The following BMP6 variants were observed in gnomAD, a reference collection of about 807,000 sequenced individuals.
BMP6 encodes bone morphogenetic protein 6.
BMP6 carries 17 observed loss-of-function variants against 54.1 expected under a neutral mutation model. The ratio of observed to expected loss-of-function variants is 0.31; its 90% confidence interval spans 0.22 to 0.47. BMP6 has a LOEUF of 0.47. Among genes scored for constraint, BMP6 ranks in the 20% least tolerant of loss-of-function variants. The pLI, the probability that BMP6 is intolerant of heterozygous loss-of-function variation, is 1.00. For synonymous variants in BMP6, 328 were observed against 291.2 expected (o/e 1.13, Z -1.28); for missense variants, 720 against 690.4 (o/e 1.04, Z -0.48).
chr6:7,790,100 C>G (rs1223348068), intron 1 of BMP6, among the ~76,000 whole-genome samples: 1 of 152,062 alleles, frequency 6.6e-6, no homozygotes, highest in East Asian at 1.9e-4. Context: ...AGGGCTGTTC[C>G]CTCTGTCCAT....
chr6:7,816,091 A>G (rs1051132327), intron 1 of BMP6, among the ~76,000 whole-genome samples: 1 of 152,224 alleles, frequency 6.6e-6, no homozygotes, highest in Non-Finnish European at 1.5e-5. Context: ...GTAAAGGACT[A>G]AGGAAGTCCG....
At chr6:7,871,284 G>A (rs890609533) in intron 4 of BMP6, among the ~76,000 whole-genome samples, 2 of 152,212 alleles carry the variant, frequency 1.3e-5, no homozygotes, top group African/African-American at 4.8e-5. Context: ...TGTACCTGAA[G>A]GTTTCCCTGC....
chr6:7,836,210 T>TTA (rs1561787113), intron 1 of BMP6, among the ~76,000 whole-genome samples: 1 of 151,064 alleles, frequency 6.6e-6, no homozygotes, highest in Admixed American at 6.6e-5. Flanking sequence ...ATTTTTTTTT[T>TTA]AAAAAAAAAT....
At chr6:7,790,179 C>T (rs970620743) in intron 1 of BMP6, among the ~76,000 whole-genome samples, 1 of 152,132 alleles carries the variant, frequency 6.6e-6, no homozygotes, top group African/African-American at 2.4e-5. Flanking sequence ...TTGCTACAGT[C>T]AGCTTTCTGA....
intron 4 of BMP6, among the ~76,000 whole-genome samples, chr6:7,875,388 T>C (rs1029724147): frequency 2.6e-5 from 4 of 152,168 alleles, no homozygotes; most frequent in Non-Finnish European, 5.9e-5. Context: ...AAATAATGTC[T>C]TAACAGTTGC....
chr6:7,857,199 T>C (rs1759255240), intron 2 of BMP6, among the ~76,000 whole-genome samples: 1 of 152,238 alleles, frequency 6.6e-6, no homozygotes, highest in Admixed American at 6.5e-5. Flanking sequence ...CTAGTCTTTA[T>C]GAGTGGCTTT....
intron 1 of BMP6, among the ~76,000 whole-genome samples, chr6:7,800,057 G>A (rs1043313559): frequency 2.7e-5 from 4 of 150,482 alleles, no homozygotes; most frequent in African/African-American, 7.4e-5. Flanking sequence ...AAAGAGATGA[G>A]TGTTATTACG....
intron 1 of BMP6, among the ~76,000 whole-genome samples, chr6:7,828,744 G>T (rs1758741784): frequency 6.6e-6 from 1 of 152,252 alleles, no homozygotes; most frequent in Non-Finnish European, 1.5e-5. Context: ...TTGGAGGGGA[G>T]TTTAGCCCTC....
At chr6:7,833,978 C>T (rs1210881350) in intron 1 of BMP6, among the ~76,000 whole-genome samples, 1 of 152,144 alleles carries the variant, frequency 6.6e-6, no homozygotes, top group Non-Finnish European at 1.5e-5. Context: ...GCTTTCAGGA[C>T]TCCCCTGTGG....
intron 1 of BMP6, among the ~76,000 whole-genome samples, chr6:7,800,906 G>C (rs1036286234): frequency 5.2e-5 from 7 of 133,432 alleles, no homozygotes; most frequent in African/African-American, 1.3e-4. Context: ...AAAATAAAGC[G>C]GGGGGAGGGG....
chr6:7,860,625 T>C (rs560931296), intron 2 of BMP6, among the ~76,000 whole-genome samples: 6 of 152,206 alleles, frequency 3.9e-5, no homozygotes, highest in Non-Finnish European at 1.5e-5. Context: ...TGACTTTGCC[T>C]CAAAGAACCC....
intron 1 of BMP6, among the ~76,000 whole-genome samples, chr6:7,746,784 C>A (rs997590731): frequency 6.6e-6 from 1 of 152,296 alleles, no homozygotes; most frequent in Non-Finnish European, 1.5e-5. Flanking sequence ...ACGGTGCAGA[C>A]GGTATTCGCG....
At chr6:7,796,734 T>G (rs909063738) in intron 1 of BMP6, among the ~76,000 whole-genome samples, 2 of 152,198 alleles carry the variant, frequency 1.3e-5, no homozygotes, top group Non-Finnish European at 2.9e-5. Flanking sequence ...TAATGGAATT[T>G]TAGTTTCATT....
At chr6:7,872,571 G>C (rs927707917) in intron 4 of BMP6, among the ~76,000 whole-genome samples, 1 of 152,172 alleles carries the variant, frequency 6.6e-6, no homozygotes, top group Non-Finnish European at 1.5e-5. Flanking sequence ...AGAAATAGCT[G>C]TTCTTCCAGA....
At position 7,729,830 on chromosome 6, in the gene BMP6, A is replaced by G. The variant is rs1470370280; in HGVS notation, c.664+2211A>G. Among the ~76,000 whole-genome samples the G allele has an allele frequency of 4.6e-5, 7 of 152,322 alleles. No homozygotes were observed. The East Asian group carries it at 5.8e-4, about 13-fold the overall frequency. On this transcript the variant is annotated intron_variant, in intron 1 of 6. Coordinates refer to ENST00000283147, the MANE Select transcript of BMP6 (RefSeq NM_001718.6). Reference sequence around the variant, plus strand: ...AACCCAGATGCCCAGGTGGCACTCCATATCAAATCAGAATGTGTGGAGGTG... The same window carrying G: ...AACCCAGATGCCCAGGTGGCACTCCGTATCAAATCAGAATGTGTGGAGGTG...
At chr6:7,799,881 T>C (rs954928932) in intron 1 of BMP6, among the ~76,000 whole-genome samples, 25 of 152,218 alleles carry the variant, frequency 1.6e-4, no homozygotes, top group African/African-American at 5.8e-4. Context: ...CATCTGCATT[T>C]GCTTAAGGAA....
At chr6:7,730,763 T>C (rs938987290) in intron 1 of BMP6, among the ~76,000 whole-genome samples, 2 of 152,252 alleles carry the variant, frequency 1.3e-5, no homozygotes, top group African/African-American at 4.8e-5. Flanking sequence ...TCCTAATTGC[T>C]GTCAATGCCA....
chr6:7,746,472 A>T (rs1433252325), intron 1 of BMP6, among the ~76,000 whole-genome samples: 1 of 152,144 alleles, frequency 6.6e-6, no homozygotes, highest in East Asian at 1.9e-4. Context: ...CTGTATTTAC[A>T]GCATTTGAGG....
intron 1 of BMP6, among the ~76,000 whole-genome samples, chr6:7,782,060 A>G (rs573842961): frequency 4.6e-5 from 7 of 151,430 alleles, no homozygotes; most frequent in Admixed American, 6.6e-5. Context: ...GGTGGCTTGA[A>G]TGGCAGAGGA....
Sources: allele counts gnomAD v4.1 joint callset (sites outside exome capture counted in the v4.1 genomes callset), GRCh38; gene constraint gnomAD v4.1.1; transcripts MANE v1.5; gene names NCBI Gene and HGNC (gene_info 2026-07-23, HGNC 2026-07-21).